TRPC4AP: variants seen among roughly 807,000 people sequenced by gnomAD.
The protein encoded by TRPC4AP is transient receptor potential cation channel subfamily C member 4 associated protein.
Under a neutral mutation model 99.0 loss-of-function variants are expected in TRPC4AP, and 45 were observed. The ratio of observed to expected loss-of-function variants is 0.45; its 90% CI spans 0.36 to 0.58. TRPC4AP has a LOEUF of 0.58. Among genes scored for constraint, TRPC4AP ranks in the 20% least tolerant of loss-of-function variants. The probability of loss-of-function intolerance (pLI) is 0.00; values close to 1 mark genes in which losing one functional copy is unlikely to be tolerated. For synonymous variants in TRPC4AP, 408 were observed against 385.8 expected, an observed-to-expected ratio of 1.06 and a Z score of -0.67; for missense variants, 879 against 985.3, an observed-to-expected ratio of 0.89 and a Z score of 1.44.
intron 6 of TRPC4AP, among the ~76,000 whole-genome samples, chr20:35,049,404 G>C (rs1043033451): frequency 6.6e-6 from 1 of 151,776 alleles, no homozygotes; most frequent in Non-Finnish European, 1.5e-5. Flanking sequence ...AAATAGAGGC[G>C]GACTTCATAA....
chr20:35,013,127 A>C, intron 10 of TRPC4AP, 61 bp from the exon 11 acceptor site: 1 of 1,524,444 alleles, frequency 6.6e-7, no homozygotes, highest in Admixed American at 1.7e-5. Flanking sequence ...AAATAACACA[A>C]GCAGACACTC....
intron 1 of TRPC4AP, among the ~76,000 whole-genome samples, chr20:35,092,159 G>A (rs1440209607): frequency 6.6e-6 from 1 of 152,214 alleles, no homozygotes. Context: ...TTTAGAAAGG[G>A]GAAGGAAAGA....
intron 2 of TRPC4AP, among the ~76,000 whole-genome samples, chr20:35,074,502 T>C (rs913891112): frequency 6.6e-6 from 1 of 152,234 alleles, no homozygotes; most frequent in African/African-American, 2.4e-5. Context: ...AGAACACCTT[T>C]ATTTCTGCCT....
At chr20:35,067,732 TAAGTG>T (rs2084180275) in intron 3 of TRPC4AP, among the ~76,000 whole-genome samples, 1 of 152,082 alleles carries the variant, frequency 6.6e-6, no homozygotes, top group Non-Finnish European at 1.5e-5. Context: ...ATCATTACGC[TAAGTG>T]AAAAGAAGCC....
chr20:35,044,503 A>C lies in TRPC4AP; in HGVS notation c.865+2T>G. ...AAAATTCTGAGAACTTGGAGACTTT[A>C]CCTTGATTGATTTCAGCTGCAGAAG... On this transcript the variant is annotated splice_donor_variant, in intron 7 of 18. Coordinates refer to ENST00000252015, the MANE Select transcript of TRPC4AP (RefSeq NM_015638.3). LOFTEE classifies it high-confidence loss of function. 1 of 1,613,666 alleles carries C rather than the reference A, an allele frequency of 6.2e-7. No individual in the cohort carries two copies. The highest frequency in any genetic ancestry group is 8.5e-7 in the Non-Finnish European group (1 of 1,179,658).
chr20:35,085,999 C>G (rs1297138668), intron 1 of TRPC4AP, among the ~76,000 whole-genome samples: 1 of 152,110 alleles, frequency 6.6e-6, no homozygotes, highest in Admixed American at 6.6e-5. Context: ...CTGCAACCTC[C>G]GTCTCCTGGG....
intron 1 of TRPC4AP, among the ~76,000 whole-genome samples, chr20:35,083,965 A>G (rs2084726166): frequency 6.6e-6 from 1 of 151,550 alleles, no homozygotes; most frequent in Non-Finnish European, 1.5e-5. Context: ...ATTTCTTTAA[A>G]AAAAAAAAAA....
At chr20:35,092,384 G>A (rs1434079385) in intron 1 of TRPC4AP, among the ~76,000 whole-genome samples, 1 of 152,224 alleles carries the variant, frequency 6.6e-6, no homozygotes, top group African/African-American at 2.4e-5. Context: ...CACGCCATCA[G>A]TGTCCACAGC....
chr20:35,040,068 T>A (rs2083411862), intron 7 of TRPC4AP, among the ~76,000 whole-genome samples: 1 of 152,018 alleles, frequency 6.6e-6, no homozygotes, highest in South Asian at 2.1e-4. Flanking sequence ...CATACAGTTA[T>A]GGACTGTGTC....
intron 2 of TRPC4AP, among the ~76,000 whole-genome samples, chr20:35,073,759 G>C (rs2084390430): frequency 6.6e-6 from 1 of 152,146 alleles, no homozygotes; most frequent in Admixed American, 6.5e-5. Context: ...GCCAGGCTTT[G>C]GTATCAGGAT....
intron 3 of TRPC4AP, among the ~76,000 whole-genome samples, chr20:35,058,805 T>C (rs1426524775): frequency 6.8e-6 from 1 of 147,378 alleles, no homozygotes; most frequent in East Asian, 2.1e-4. Flanking sequence ...TTCTCCTGCC[T>C]CAGCCTCAGA....
chr20:35,019,283 G>C (rs961329455), intron 9 of TRPC4AP, among the ~76,000 whole-genome samples: 3 of 152,144 alleles, frequency 2.0e-5, no homozygotes, highest in Non-Finnish European at 4.4e-5. Flanking sequence ...AGTGGTTTTG[G>C]GGGGCCAGGA....
intron 1 of TRPC4AP, among the ~76,000 whole-genome samples, chr20:35,091,635 G>A (rs577969308): frequency 6.6e-6 from 1 of 152,174 alleles, no homozygotes; most frequent in South Asian, 2.1e-4. Context: ...TCGGGGTGGG[G>A]GAGGGTGGAA....
chr20:35,014,067 A>C (rs2082696206), intron 10 of TRPC4AP, among the ~76,000 whole-genome samples: 1 of 152,166 alleles, frequency 6.6e-6, no homozygotes, highest in African/African-American at 2.4e-5. Context: ...CAAGGGGGAA[A>C]CTAACCCCAC....
At chr20:35,031,232 G>C (rs941979044) in intron 8 of TRPC4AP, among the ~76,000 whole-genome samples, 1 of 151,142 alleles carries the variant, frequency 6.6e-6, no homozygotes, top group Non-Finnish European at 1.5e-5. Flanking sequence ...TTATCTTTCA[G>C]GATTTTTTTT....
chr20:35,087,354 G>C (rs949920962), intron 1 of TRPC4AP, among the ~76,000 whole-genome samples: 1 of 139,582 alleles, frequency 7.2e-6, no homozygotes, highest in Non-Finnish European at 1.5e-5. Flanking sequence ...AAAAAAAAAA[G>C]TCAGTGAATC....
intron 7 of TRPC4AP, among the ~76,000 whole-genome samples, chr20:35,041,377 T>C (rs1346972324): frequency 1.3e-5 from 2 of 152,144 alleles, no homozygotes; most frequent in Non-Finnish European, 2.9e-5. Context: ...GTAGGAATTA[T>C]GGTCAGGGTT....
intron 1 of TRPC4AP, among the ~76,000 whole-genome samples, chr20:35,088,637 G>T (rs1439548358): frequency 1.3e-5 from 2 of 152,148 alleles, no homozygotes; most frequent in Non-Finnish European, 2.9e-5. Flanking sequence ...TTATGGGATA[G>T]ATGTTATCAT....
At chr20:35,084,243 C>T (rs1363813404) in intron 1 of TRPC4AP, among the ~76,000 whole-genome samples, 23 of 150,642 alleles carry the variant, frequency 1.5e-4, no homozygotes, top group Non-Finnish European at 2.8e-4. Context: ...CCACTCCAGC[C>T]GGGCAACAGT....
Sources: gnomAD v4.1 joint callset for allele counts (sites outside exome capture counted in the v4.1 genomes callset) on GRCh38, gnomAD v4.1.1 for gene constraint, MANE v1.5 for transcripts, NCBI Gene and HGNC (gene_info 2026-07-23, HGNC 2026-07-21) for gene names.